The following TRIM24 variants were observed in gnomAD, a reference collection of about 807,000 sequenced individuals.
TRIM24 encodes the protein transcription intermediary factor 1-alpha.
TRIM24 carries 29 observed loss-of-function variants against 123.9 expected under a neutral mutation model. The ratio of observed to expected loss-of-function variants is 0.23; its 90% CI spans 0.17 to 0.32. The LOEUF (loss-of-function observed/expected upper bound fraction) is 0.32. Among genes scored for constraint, TRIM24 ranks in the 10% least tolerant of loss-of-function variants. The pLI, the probability that TRIM24 is intolerant of heterozygous loss-of-function variation, is 1.00. For synonymous variants in TRIM24, 456 were observed against 461.1 expected (o/e 0.99, Z 0.14); for missense variants, 932 against 1,295.3 (o/e 0.72, Z 4.31).
intron 2 of TRIM24, among the ~76,000 whole-genome samples, chr7:138,511,675 C>A (rs1796291717): frequency 6.6e-6 from 1 of 152,136 alleles, no homozygotes; most frequent in African/African-American, 2.4e-5. Flanking sequence ...CCCCCATGAT[C>A]CAGTCACCTC....
In TRIM24 at chr7:138,589,220, A is replaced by T. The variant is rs1003324910; in HGVS notation, c.*4269A>T. ...TTCACATACTGGTGTCATGTTTCTGAGTGAGAATAATGCTAGTCAGTCAGA... is the reference window on the plus strand; with the variant it reads ...TTCACATACTGGTGTCATGTTTCTGTGTGAGAATAATGCTAGTCAGTCAGA... On this transcript the variant is annotated 3_prime_UTR_variant, in exon 19 of 19. Transcript: ENST00000343526. The T allele has an allele frequency of 2.6e-5, 4 of 152,134 alleles. No homozygotes were observed. Among genetic ancestry groups the T allele is most frequent in the African/African-American group, 9.7e-5 (4 of 41,408 alleles). 9.4% of individuals were successfully genotyped at this position (152,134 alleles called of 1,614,324 possible).
At chr7:138,545,598 A>T (rs989071526) in intron 7 of TRIM24, 2 of 452,130 alleles carry the variant, frequency 4.4e-6, no homozygotes, top group Admixed American at 4.7e-5. Context: ...ATAATTATAG[A>T]TGTATATGTC....
intron 1 of TRIM24, among the ~76,000 whole-genome samples, chr7:138,500,202 A>T (rs566110250): frequency 1.1e-4 from 16 of 152,338 alleles, no homozygotes; most frequent in African/African-American, 3.8e-4. Context: ...CTTCACAGAA[A>T]GGAGATAACA....
chr7:138,501,630 G>A (rs577175319), intron 1 of TRIM24, among the ~76,000 whole-genome samples: 2 of 152,176 alleles, frequency 1.3e-5, no homozygotes, highest in South Asian at 2.1e-4. Context: ...GGTCACGCCT[G>A]TAATCCCAGC....
At chr7:138,532,406 A>G (rs919049887) in intron 6 of TRIM24, among the ~76,000 whole-genome samples, 6 of 152,182 alleles carry the variant, frequency 3.9e-5, no homozygotes, top group African/African-American at 1.4e-4. Context: ...GGTGTAAGGA[A>G]GGGATCCAGT....
chr7:138,476,141 A>G (rs1795391506), intron 1 of TRIM24, among the ~76,000 whole-genome samples: 1 of 152,190 alleles, frequency 6.6e-6, no homozygotes, highest in Non-Finnish European at 1.5e-5. Flanking sequence ...AGATAGATCA[A>G]CTGGACAAAA....
chr7:138,476,564 G>T (rs1407653095), intron 1 of TRIM24, among the ~76,000 whole-genome samples: 1 of 148,656 alleles, frequency 6.7e-6, no homozygotes, highest in Non-Finnish European at 1.5e-5. Context: ...CTGCACTCCA[G>T]CCTGGGCGAC....
intron 1 of TRIM24, 144 bp from the exon 2 acceptor site, chr7:138,504,146 A>G (rs558490342): frequency 5.1e-5 from 24 of 467,744 alleles, no homozygotes; most frequent in African/African-American, 1.2e-4. Flanking sequence ...GTATATTTAC[A>G]TAGACAATTG....
chr7:138,575,412 C>T (rs1024808707), intron 12 of TRIM24, among the ~76,000 whole-genome samples: 1 of 151,510 alleles, frequency 6.6e-6, no homozygotes, highest in African/African-American at 2.4e-5. Context: ...CCTGCTTTAG[C>T]CTTCCCAGTA....
rs117150546 is a variant in TRIM24, at chr7:138,586,254, T to G, written c.*1303T>G. The G allele has an allele frequency of 2.4e-4, 42 of 173,852 alleles. No homozygotes were observed. The East Asian group carries it at 6.0e-3, about 25-fold the overall frequency. 10.8% of individuals were successfully genotyped at this position (173,852 alleles called of 1,614,324 possible). A position where few individuals can be genotyped will look rare whatever the true frequency, so the allele number is the denominator to read the frequency against. Reference sequence around the variant, plus strand: ...GCATTTGACACAATATCTAAATGGTTTGCCGAAGTTAATCTGTATTTATAA... The same window carrying G: ...GCATTTGACACAATATCTAAATGGTGTGCCGAAGTTAATCTGTATTTATAA... On this transcript the variant is annotated 3_prime_UTR_variant, in exon 19 of 19. Coordinates refer to ENST00000343526, the MANE Select transcript of TRIM24 (RefSeq NM_015905.3).
chr7:138,536,564 C>T (rs1015115058), intron 6 of TRIM24, among the ~76,000 whole-genome samples: 1 of 152,218 alleles, frequency 6.6e-6, no homozygotes, highest in African/African-American at 2.4e-5. Context: ...GCTGCCTGAT[C>T]GTTCCTCTGG....
intron 1 of TRIM24, among the ~76,000 whole-genome samples, chr7:138,465,441 A>G (rs1795115449): frequency 6.6e-6 from 1 of 152,234 alleles, no homozygotes; most frequent in Non-Finnish European, 1.5e-5. Context: ...TGAGTAGCAA[A>G]CTGGGAGTTT....
intron 6 of TRIM24, among the ~76,000 whole-genome samples, 192 bp from the exon 7 acceptor site, chr7:138,538,465 G>A (rs949109616): frequency 1.3e-5 from 2 of 152,130 alleles, no homozygotes; most frequent in African/African-American, 4.8e-5. Flanking sequence ...GGAGTGAGGG[G>A]CCACATTGGG....
intron 9 of TRIM24, among the ~76,000 whole-genome samples, chr7:138,563,472 T>C (rs1206114414): frequency 6.6e-6 from 1 of 152,200 alleles, no homozygotes; most frequent in Non-Finnish European, 1.5e-5. Flanking sequence ...CTAGTTTCCC[T>C]TACCGTAAGG....
chr7:138,552,694 A>G (rs572341885), intron 8 of TRIM24, among the ~76,000 whole-genome samples: 1 of 152,328 alleles, frequency 6.6e-6, no homozygotes, highest in South Asian at 2.1e-4. Context: ...GAAATAGGCA[A>G]TCTAACCCAT....
intron 13 of TRIM24, among the ~76,000 whole-genome samples, chr7:138,576,713 T>A (rs984539541): frequency 3.9e-5 from 6 of 152,112 alleles, no homozygotes; most frequent in African/African-American, 1.4e-4. Context: ...AACATAAAAA[T>A]GAATAGGCAT....
At chr7:138,505,301 C>A (rs551862808) in intron 2 of TRIM24, among the ~76,000 whole-genome samples, 8 of 152,306 alleles carry the variant, frequency 5.3e-5, no homozygotes, top group Admixed American at 3.9e-4. Context: ...GACATTACTT[C>A]ATTTCTTTGT....
chr7:138,584,112 C>A, intron 18 of TRIM24, 113 bp downstream of exon 18: 1 of 1,228,666 alleles, frequency 8.1e-7, no homozygotes, highest in Non-Finnish European at 1.1e-6. Context: ...AATAAATTTC[C>A]AACTTTTCAG....
At chr7:138,515,701 CT>C (rs1319442395) in intron 3 of TRIM24, among the ~76,000 whole-genome samples, 3 of 152,084 alleles carry the variant, frequency 2.0e-5, no homozygotes, top group Non-Finnish European at 4.4e-5. Flanking sequence ...ATAACTCTTC[CT>C]TTTGATATTC....
Sources: gnomAD v4.1 joint callset for allele counts (sites outside exome capture counted in the v4.1 genomes callset) on GRCh38, gnomAD v4.1.1 for gene constraint, MANE v1.5 for transcripts, NCBI Gene and HGNC (gene_info 2026-07-23, HGNC 2026-07-21) for gene names.